DUSP13B: variants seen among roughly 807,000 people sequenced by gnomAD.
DUSP13B encodes the protein dual specificity protein phosphatase 13B.
the DUSP13B span, among the ~76,000 whole-genome samples, chr10:75,095,983 G>A: frequency 3.7e-4 from 57 of 152,302 alleles, no homozygotes; most frequent in Admixed American, 2.4e-3. Flanking sequence ...GGCTGGGTGC[G>A]GTGGCTCACG....
chr10:75,097,657 C>G, the DUSP13B span: 1 of 1,458,732 alleles, frequency 6.9e-7, no homozygotes, highest in South Asian at 1.5e-5. Context: ...CCCCCATTCC[C>G]GTGTGAACCT....
chr10:75,098,684 C>A, the DUSP13B span, among the ~76,000 whole-genome samples: 1 of 152,132 alleles, frequency 6.6e-6, no homozygotes, highest in Non-Finnish European at 1.5e-5. Flanking sequence ...ACCTTTTGAA[C>A]CTGTGAGGCA....
At chr10:75,094,479 C>T in the DUSP13B span, 2 of 602,120 alleles carry the variant, frequency 3.3e-6, no homozygotes, top group African/African-American at 1.9e-5. Flanking sequence ...ACTGAACTCA[C>T]TTTTGCATAA....
chr10:75,097,620 C>G, the DUSP13B span: 1 of 1,312,904 alleles, frequency 7.6e-7, no homozygotes, highest in Admixed American at 2.6e-5. Context: ...CCACCTCTGC[C>G]CTAGAGGGCT....
At chr10:75,104,971 T>G in the DUSP13B span, among the ~76,000 whole-genome samples, 1 of 152,048 alleles carries the variant, frequency 6.6e-6, no homozygotes, top group African/African-American at 2.4e-5. Flanking sequence ...CTCCCAAGCA[T>G]GCCCAGGCCA....
At chr10:75,109,168 G>A in the DUSP13B span, 32 of 1,560,220 alleles carry the variant, frequency 2.1e-5, 1 homozygote, top group South Asian at 5.8e-5. Context: ...GGGCCAGCCC[G>A]CCCACCCCTC....
the DUSP13B span, chr10:75,101,819 G>T: frequency 2.5e-6 from 3 of 1,196,522 alleles, no homozygotes; most frequent in Non-Finnish European, 3.4e-6. Flanking sequence ...TACCCAGCAT[G>T]CTCAGGGACC....
the DUSP13B span, chr10:75,098,974 G>A: frequency 8.1e-7 from 1 of 1,231,988 alleles, no homozygotes; most frequent in Non-Finnish European, 1.0e-6. Context: ...TTCCTCAAGG[G>A]AGCCTGGTAC....
chr10:75,095,817 G>A, the DUSP13B span: 1 of 1,609,580 alleles, frequency 6.2e-7, no homozygotes, highest in African/African-American at 1.3e-5. Flanking sequence ...GGCACAAGGG[G>A]TTAGGAGAGT....
At chr10:75,106,305 C>A in the DUSP13B span, among the ~76,000 whole-genome samples, 6 of 152,050 alleles carry the variant, frequency 3.9e-5, no homozygotes, top group South Asian at 6.2e-4. Flanking sequence ...GTCCCTCCCC[C>A]ACCTTCAGCT....
the DUSP13B span, among the ~76,000 whole-genome samples, chr10:75,097,336 G>A: frequency 1.3e-5 from 2 of 152,056 alleles, no homozygotes; most frequent in Non-Finnish European, 2.9e-5. Context: ...AGCCTCCTGA[G>A]TAGCTGTGAT....
the DUSP13B span, chr10:75,101,818 T>A: frequency 2.0e-6 from 2 of 1,013,928 alleles, no homozygotes; most frequent in African/African-American, 1.7e-5. Flanking sequence ...TTACCCAGCA[T>A]GCTCAGGGAC....
the DUSP13B span, among the ~76,000 whole-genome samples, chr10:75,107,663 GC>G: frequency 8.4e-4 from 128 of 152,048 alleles, no homozygotes; most frequent in African/African-American, 3.0e-3. Context: ...TGCAACCTCC[GC>G]CCCCCATGTT....
the DUSP13B span, chr10:75,108,207 G>T: frequency 5.6e-6 from 9 of 1,597,584 alleles, no homozygotes; most frequent in Non-Finnish European, 7.7e-6. Context: ...GTTTGCCGTG[G>T]CCCTGGGGAG....
At chr10:75,096,097 A>C in the DUSP13B span, among the ~76,000 whole-genome samples, 1 of 152,074 alleles carries the variant, frequency 6.6e-6, no homozygotes, top group African/African-American at 2.4e-5. Flanking sequence ...TCTACTAAAA[A>C]TACAAAAATT....
the DUSP13B span, among the ~76,000 whole-genome samples, chr10:75,102,751 G>C: frequency 3.3e-5 from 5 of 152,140 alleles, no homozygotes; most frequent in Non-Finnish European, 5.9e-5. Context: ...TCGGGAGTTC[G>C]AGACCAGCCT....
the DUSP13B span, chr10:75,105,915 A>G: frequency 6.6e-7 from 1 of 1,522,168 alleles, no homozygotes; most frequent in Non-Finnish European, 8.9e-7. Context: ...ACACCGGCCC[A>G]CCCACGGGCT....
At chr10:75,102,034 A>G in the DUSP13B span, 1 of 1,184,094 alleles carries the variant, frequency 8.4e-7, no homozygotes, top group Non-Finnish European at 1.1e-6. Flanking sequence ...TGCCACTCCC[A>G]ACTTGTCCAC....
the DUSP13B span, among the ~76,000 whole-genome samples, chr10:75,105,494 G>C: frequency 6.6e-6 from 1 of 152,188 alleles, no homozygotes; most frequent in Admixed American, 6.5e-5. Flanking sequence ...TAGGTTAAGG[G>C]AACCCAGCAG....
Sources: gnomAD v4.1 joint callset for allele counts (sites outside exome capture counted in the v4.1 genomes callset) on GRCh38, gnomAD v4.1.1 for gene constraint, MANE v1.5 for transcripts, NCBI Gene and HGNC (gene_info 2026-07-23, HGNC 2026-07-21) for gene names.